HLTF: variants seen among roughly 807,000 people sequenced by gnomAD.
HLTF encodes the protein DNA-dependent ATPase/E3 ubiquitin-protein ligase HLTF.
In HLTF, 127 loss-of-function variants were observed where a neutral mutation model predicts 129.4. The observed-to-expected ratio is 0.98, with a 90% CI of 0.85 to 1.14. HLTF has a LOEUF of 1.14. Ranked by LOEUF, HLTF falls within the 50% of genes most tolerant of loss-of-function variation. HLTF has a pLI of 0.00. For synonymous variants in HLTF, 332 were observed against 388.8 expected, an observed-to-expected ratio of 0.85 and a Z score of 1.72; for missense variants, 1,139 against 1,187.1, an observed-to-expected ratio of 0.96 and a Z score of 0.60.
At chr3:149,076,675 A>C (rs1046846612) in intron 2 of HLTF, among the ~76,000 whole-genome samples, 1 of 152,232 alleles carries the variant, frequency 6.6e-6, no homozygotes, top group African/African-American at 2.4e-5. Context: ...TTCTGATTCT[A>C]CTTTATTAAA....
chr3:149,042,689 G>A lies in HLTF; in HGVS notation c.2073-399C>T, dbSNP rs138495802. 4.1e-4 allele frequency among the ~76,000 whole-genome samples: 62 copies of A among 151,820 alleles called. No homozygotes were observed. The East Asian group carries it at 0.012, about 28-fold the overall frequency. On this transcript the variant is annotated intron_variant, in intron 18 of 24. Transcript: ENST00000310053. ...AAATTTATATCAAAAAAAGAGGGAA[G>A]GTAAACTGAATACAGAAACATACAG...
At chr3:149,045,968 T>C in intron 18 of HLTF, 112 bp downstream of exon 18, 2 of 704,706 alleles carry the variant, frequency 2.8e-6, no homozygotes, top group Non-Finnish European at 4.6e-6. Context: ...AGAAGCAAAT[T>C]ATCTTTCAGT....
Position 149,059,714 on chromosome 3 carries a change from T to A in HLTF, c.1375+4A>T. 6.5e-7 allele frequency: 1 copy of A among 1,546,104 alleles called. No homozygotes were observed. Among genetic ancestry groups the A allele is most frequent in the South Asian group, 1.2e-5 (1 of 83,534 alleles). Reference sequence around the variant, plus strand: ...AAAACTAGAAAACAAGGATATTTACTGACCCTTTTTCAACATTTTCTTTTT... The same window carrying A: ...AAAACTAGAAAACAAGGATATTTACAGACCCTTTTTCAACATTTTCTTTTT... On this transcript the variant is annotated splice_donor_region_variant and intron_variant, in intron 13 of 24. Transcript: ENST00000310053.
chr3:149,083,411 G>A (rs562737305), intron 2 of HLTF, among the ~76,000 whole-genome samples: 103 of 152,020 alleles, frequency 6.8e-4, no homozygotes, highest in African/African-American at 2.3e-3. Context: ...AGAGTTTACC[G>A]AAGTCATAGA....
intron 1 of HLTF, among the ~76,000 whole-genome samples, chr3:149,085,711 G>C (rs1720309940): frequency 6.6e-6 from 1 of 152,120 alleles, no homozygotes; most frequent in African/African-American, 2.4e-5. Flanking sequence ...ACCCGTACCC[G>C]CCTTCCGTCG....
intron 7 of HLTF, among the ~76,000 whole-genome samples, chr3:149,069,285 A>G (rs780563994): frequency 1.3e-5 from 2 of 152,164 alleles, no homozygotes; most frequent in Non-Finnish European, 2.9e-5. Context: ...AGCCTGGACC[A>G]ACACGGTGAA....
chr3:149,071,251 C>A lies in HLTF; in HGVS notation c.894+1G>T. 2 of 1,525,818 alleles carry A rather than the reference C, an allele frequency of 1.3e-6. No individual in the cohort carries two copies. The highest frequency in any genetic ancestry group is 8.8e-7 in the Non-Finnish European group (1 of 1,132,136). The allele number at this position is 1,525,818 out of a possible 1,614,324, so 94.5% of individuals were successfully genotyped here. A position where few individuals can be genotyped will look rare whatever the true frequency, so the allele number is the denominator to read the frequency against. The stretch of plus-strand genomic sequence containing the variant: ...TATTAACTAAAGAAAAAAATAATTA[C>A]CAAACCCATATCATCAGCTAAAATT... On this transcript the variant is annotated splice_donor_variant, in intron 7 of 24. Coordinates refer to ENST00000310053, the MANE Select transcript of HLTF (RefSeq NM_003071.4). LOFTEE classifies it high-confidence loss of function.
chr3:149,042,131 A>T (rs756598832), intron 19 of HLTF, 35 bp downstream of exon 19: 1 of 1,588,814 alleles, frequency 6.3e-7, no homozygotes, highest in Non-Finnish European at 8.6e-7. Context: ...TATCTCTGAC[A>T]AATACAATGA....
At chr3:149,072,501 T>C (rs900596152) in intron 5 of HLTF, among the ~76,000 whole-genome samples, 2 of 152,246 alleles carry the variant, frequency 1.3e-5, no homozygotes, top group Non-Finnish European at 2.9e-5. Context: ...TAATTGACTA[T>C]TTAAACTAGG....
chr3:149,085,064 A>C (rs1720237243), intron 1 of HLTF, among the ~76,000 whole-genome samples, 175 bp from the exon 2 acceptor site: 1 of 152,246 alleles, frequency 6.6e-6, no homozygotes, highest in South Asian at 2.1e-4. Flanking sequence ...GAAGGCTTCT[A>C]GGAACTCTAC....
In HLTF at chr3:149,073,256, A is replaced by G. The variant is rs2108049845; in HGVS notation, c.596T>C (p.Val199Ala). 6.2e-7 allele frequency: 1 copy of G among 1,611,456 alleles called. No homozygotes were observed. Residue 199 changes from valine (V) to alanine (A), a missense_variant, in exon 5 of 25, where the codon GTG (valine) becomes GCG (alanine). Physicochemically the swap from Val to Ala is moderately conservative, Grantham distance 64 (BLOSUM62 0). Transcript: ENST00000310053. ...AGTTGTCATCTGTACTGCAGCATGC[A>G]CTGGCATACTATAGCTTGGTCCAGC... Reference protein sequence around the residue: ...GRAGPSYSMPVHAAVQMTTEQ... With the variant: ...GRAGPSYSMPAHAAVQMTTEQ...
chr3:149,071,105 A>G (rs1718815568), intron 7 of HLTF, 147 bp downstream of exon 7: 3 of 515,100 alleles, frequency 5.8e-6, no homozygotes, highest in South Asian at 7.8e-5. Context: ...ACTAAAAACT[A>G]CAGGAAAAAC....
chr3:149,060,562 C>A, intron 12 of HLTF, 81 bp downstream of exon 12: 1 of 1,131,826 alleles, frequency 8.8e-7, no homozygotes, highest in Non-Finnish European at 1.3e-6. Context: ...TAAAACATTC[C>A]AACCTAGCGA....
intron 24 of HLTF, among the ~76,000 whole-genome samples, chr3:149,033,123 C>A (rs1280573371): frequency 6.6e-6 from 1 of 152,054 alleles, no homozygotes; most frequent in Non-Finnish European, 1.5e-5. Context: ...CTCAACCTTA[C>A]ATATTTAATG....
rs1327107027 is a variant in HLTF at position 149,031,357 on chromosome 3, T to A, written c.*863A>T. On this transcript the variant is annotated 3_prime_UTR_variant, in exon 25 of 25. Coordinates refer to ENST00000310053, the MANE Select transcript of HLTF (RefSeq NM_003071.4). ...CAGATATCACGCCTCTCACATATAG[T>A]AGTCTTCTGAATTATAAAAATTTAT... The A allele has an allele frequency of 6.6e-6, 1 of 152,582 alleles. No homozygotes were observed. Among genetic ancestry groups the A allele is most frequent in the African/African-American group, 2.4e-5 (1 of 41,438 alleles). 9.5% of individuals were successfully genotyped at this position (152,582 alleles called of 1,614,324 possible). A position where few individuals can be genotyped will look rare whatever the true frequency, so the allele number is the denominator to read the frequency against.
chr3:149,040,771 AT>A (rs1716064888), intron 20 of HLTF, among the ~76,000 whole-genome samples: 1 of 152,136 alleles, frequency 6.6e-6, no homozygotes, highest in African/African-American at 2.4e-5. Flanking sequence ...GAGAGGGTAA[AT>A]GGTTGGGAGG....
In HLTF at chr3:149,031,070, CT is replaced by C. The variant is rs1410008421; in HGVS notation, c.*1149del. 6.6e-6 allele frequency: 1 copy of C among 152,024 alleles called. No individual in the cohort carries two copies. Among genetic ancestry groups the C allele is most frequent in the Non-Finnish European group, 1.5e-5 (1 of 68,010 alleles). The allele number at this position is 152,024 out of a possible 1,614,324, so 9.4% of individuals were successfully genotyped here. On this transcript the variant is annotated 3_prime_UTR_variant, in exon 25 of 25. Coordinates refer to ENST00000310053, the MANE Select transcript of HLTF (RefSeq NM_003071.4). Reference sequence around the variant, plus strand: ...AAATAAAACCACCTACCTAATCTGACTGCTAAATTTCTAGCTTCTTTGTTTT... The same window carrying C: ...AAATAAAACCACCTACCTAATCTGACGCTAAATTTCTAGCTTCTTTGTTTT...
At chr3:149,068,442 G>T in intron 7 of HLTF, 107 bp from the exon 8 acceptor site, 3 of 572,884 alleles carry the variant, frequency 5.2e-6, no homozygotes, top group Non-Finnish European at 9.3e-6. Flanking sequence ...ATCATTCAAG[G>T]TCACAAAAGT....
intron 2 of HLTF, among the ~76,000 whole-genome samples, chr3:149,078,125 A>C (rs1050192990): frequency 1.3e-5 from 2 of 152,252 alleles, no homozygotes; most frequent in African/African-American, 2.4e-5. Flanking sequence ...AAAAAGTACA[A>C]GACATGCAAA....
Sources: gnomAD v4.1 joint callset for allele counts (sites outside exome capture counted in the v4.1 genomes callset) on GRCh38, gnomAD v4.1.1 for gene constraint, MANE v1.5 for transcripts, NCBI Gene and HGNC (gene_info 2026-07-23, HGNC 2026-07-21) for gene names.